Variants in ADGRL3 observed in about 807,000 individuals in gnomAD.
ADGRL3 encodes calcium-independent alpha-latrotoxin receptor 3.
In ADGRL3, 62 loss-of-function variants were observed where a neutral mutation model predicts 153.5. That is an observed-to-expected ratio of 0.40 (90% CI 0.33 to 0.50). ADGRL3 has a LOEUF of 0.50. Ranked by LOEUF, ADGRL3 falls within the 20% of genes least tolerant of loss-of-function variation. The pLI, the probability that ADGRL3 is intolerant of heterozygous loss-of-function variation, is 0.47. For synonymous variants in ADGRL3, 710 were observed against 672.5 expected (o/e 1.06, Z -0.86); for missense variants, 1,641 against 1,859.4 (o/e 0.88, Z 2.16).
At chr4:61,899,293 C>T (rs1297381035) in intron 11 of ADGRL3, among the ~76,000 whole-genome samples, 3 of 151,848 alleles carry the variant, frequency 2.0e-5, no homozygotes, top group Non-Finnish European at 4.4e-5. Flanking sequence ...CTTTGATTTC[C>T]TTTTTCTCAC....
At chr4:61,723,052 A>G (rs1287674172) in intron 6 of ADGRL3, among the ~76,000 whole-genome samples, 1 of 152,174 alleles carries the variant, frequency 6.6e-6, no homozygotes, top group Non-Finnish European at 1.5e-5. Context: ...TTCCATAGGA[A>G]GTTTAATTTT....
intron 2 of ADGRL3, among the ~76,000 whole-genome samples, chr4:61,474,903 A>ACTGTCCCAGGCTTATTAT: frequency 6.6e-6 from 1 of 152,282 alleles, no homozygotes; most frequent in East Asian, 1.9e-4. Flanking sequence ...GTTGCCGGTT[A>ACTGTCCCAGGCTTATTAT]AATTAATATA....
chr4:61,919,368 A>G (rs1294828313), intron 13 of ADGRL3, among the ~76,000 whole-genome samples: 1 of 152,190 alleles, frequency 6.6e-6, no homozygotes, highest in Admixed American at 6.5e-5. Context: ...TGAACTTAAT[A>G]TATTTCACAG....
intron 5 of ADGRL3, among the ~76,000 whole-genome samples, chr4:61,654,506 T>C (rs2094382837): frequency 6.6e-6 from 1 of 152,032 alleles, no homozygotes; most frequent in Non-Finnish European, 1.5e-5. Context: ...AACACTTCTG[T>C]ACTTTTTAGA....
chr4:61,424,928 G>A (rs549096215), intron 2 of ADGRL3, among the ~76,000 whole-genome samples: 15 of 152,136 alleles, frequency 9.9e-5, no homozygotes, highest in Non-Finnish European at 1.6e-4. Flanking sequence ...GGGCATCTAG[G>A]CAATGTGGGA....
chr4:61,568,940 T>C (rs2149097242), intron 4 of ADGRL3, among the ~76,000 whole-genome samples: 1 of 152,266 alleles, frequency 6.6e-6, no homozygotes, highest in African/African-American at 2.4e-5. Flanking sequence ...TGACTAATGG[T>C]TGCATAATGA....
intron 4 of ADGRL3, among the ~76,000 whole-genome samples, chr4:61,546,714 C>A (rs574995060): frequency 2.0e-5 from 3 of 152,182 alleles, no homozygotes; most frequent in Non-Finnish European, 4.4e-5. Context: ...TTTGCTGATT[C>A]TCCAGACATG....
intron 1 of ADGRL3, among the ~76,000 whole-genome samples, chr4:61,365,033 A>G (rs1055952634): frequency 6.6e-6 from 1 of 152,192 alleles, no homozygotes. Context: ...AAAGACAGAA[A>G]AAAATGCTTA....
At chr4:61,437,993 T>G (rs1045432407) in intron 2 of ADGRL3, among the ~76,000 whole-genome samples, 2 of 152,204 alleles carry the variant, frequency 1.3e-5, no homozygotes, top group Admixed American at 6.5e-5. Context: ...GTCAGCATAC[T>G]TAACAGAATT....
intron 2 of ADGRL3, among the ~76,000 whole-genome samples, chr4:61,489,355 T>TA (rs5858705): frequency 0.034 from 5,029 of 148,400 alleles, 280 homozygotes; most frequent in African/African-American, 0.11. Flanking sequence ...TAGCTTAGTT[T>TA]AAAAAAAAAA....
intron 8 of ADGRL3, among the ~76,000 whole-genome samples, chr4:61,800,280 A>G (rs2097477701): frequency 6.6e-6 from 1 of 152,168 alleles, no homozygotes; most frequent in South Asian, 2.1e-4. Context: ...AGCTATGAAT[A>G]TATACATATA....
At chr4:61,518,033 C>T (rs553975915) in intron 4 of ADGRL3, among the ~76,000 whole-genome samples, 1 of 152,084 alleles carries the variant, frequency 6.6e-6, no homozygotes, top group African/African-American at 2.4e-5. Flanking sequence ...ATGAAAATGG[C>T]GGAACATTCT....
intron 10 of ADGRL3, 21 bp downstream of exon 10, chr4:61,892,979 T>C: frequency 6.8e-7 from 1 of 1,460,036 alleles, no homozygotes; most frequent in Non-Finnish European, 9.1e-7. Flanking sequence ...GCTAAAGCAC[T>C]AAGTTAAAAC....
In ADGRL3 at chr4:61,459,712, AT is replaced by A. The variant is rs886501864; in HGVS notation, c.-173-37401del. Among the ~76,000 whole-genome samples, 43 of 151,848 alleles carry A rather than the reference AT, an allele frequency of 2.8e-4. No homozygotes were observed. The South Asian group carries it at 3.1e-3, about 11-fold the overall frequency. ...TCCTTTCCTCCACTTCCTTGCCAGA[AT>A]TTTTTTTGTCTTTTTGATAAAGTCA... On this transcript the variant is annotated intron_variant, in intron 2 of 26. Transcript: ENST00000683033.
intron 9 of ADGRL3, among the ~76,000 whole-genome samples, chr4:61,874,305 T>C (rs917001352): frequency 1.3e-5 from 2 of 152,164 alleles, no homozygotes; most frequent in African/African-American, 4.8e-5. Context: ...CTCAGCTCCT[T>C]GTCCCATGGC....
intron 11 of ADGRL3, among the ~76,000 whole-genome samples, chr4:61,902,384 C>G (rs1431574599): frequency 1.3e-5 from 2 of 152,126 alleles, no homozygotes; most frequent in African/African-American, 2.4e-5. Context: ...TCCATGCCCA[C>G]TACCCCAATC....
In ADGRL3 at chr4:61,750,364, T is replaced by C. The variant is rs369388916; in HGVS notation, c.1399+16810T>C. On this transcript the variant is annotated intron_variant, in intron 8 of 26. Transcript: ENST00000683033. ...TTTAATAATTAAAATGTCACATACGTAGTCCAGAGCTACATTTAGAATCCT... is the reference window on the plus strand; with the variant it reads ...TTTAATAATTAAAATGTCACATACGCAGTCCAGAGCTACATTTAGAATCCT... 6.6e-5 allele frequency among the ~76,000 whole-genome samples: 10 copies of C among 152,274 alleles called. 1 individual carries two copies. The highest frequency in any genetic ancestry group is 2.4e-4 in the African/African-American group (10 of 41,564).
intron 21 of ADGRL3, among the ~76,000 whole-genome samples, chr4:62,025,262 G>A (rs1442008250): frequency 6.6e-6 from 1 of 152,112 alleles, no homozygotes; most frequent in Non-Finnish European, 1.5e-5. Context: ...AGCTATTCGT[G>A]TTATTATATG....
At chr4:61,756,070 T>C (rs975950579) in intron 8 of ADGRL3, among the ~76,000 whole-genome samples, 1 of 152,192 alleles carries the variant, frequency 6.6e-6, no homozygotes, top group African/African-American at 2.4e-5. Context: ...TCCAGCTTTG[T>C]TCTTTTGGCT....
Sources: gnomAD v4.1 joint callset for allele counts (sites outside exome capture counted in the v4.1 genomes callset) on GRCh38, gnomAD v4.1.1 for gene constraint, MANE v1.5 for transcripts, NCBI Gene and HGNC (gene_info 2026-07-23, HGNC 2026-07-21) for gene names.